The following ZFP90 variants were observed in gnomAD, a reference collection of about 807,000 sequenced individuals.
The protein encoded by ZFP90 is ZFP90 zinc finger protein.
A neutral mutation model predicts 60.8 loss-of-function variants in ZFP90; 38 were observed. The observed-to-expected ratio is 0.62, with a 90% CI of 0.48 to 0.82. The LOEUF is 0.82. Among genes scored for constraint, ZFP90 ranks in the 40% least tolerant of loss-of-function variants. ZFP90 has a pLI of 0.00. For synonymous variants in ZFP90, 287 were observed against 264.8 expected, an observed-to-expected ratio of 1.08 and a Z score of -0.82; for missense variants, 711 against 759.1, an observed-to-expected ratio of 0.94 and a Z score of 0.74.
chr16:68,563,797 C>G lies in ZFP90; in HGVS notation c.1010C>G (p.Pro337Arg). ...QHQRIHTGEK[P>R]YRCNLCGRSF... The stretch of plus-strand genomic sequence containing the variant: ...CAGCGAATTCACACTGGAGAGAAAC[C>G]CTATCGATGTAATCTATGTGGGAGG... Residue 337 changes from proline to arginine, a missense_variant, in exon 5 of 5, where the codon CCC becomes CGC. This residue lies in a region of ZFP90 where 146 missense variants were observed against 201.4 expected (regional missense o/e 0.73). Coordinates refer to ENST00000563169, the MANE Select transcript of ZFP90 (RefSeq NM_001305203.2). 2 of 1,614,096 alleles carry G rather than the reference C, an allele frequency of 1.2e-6. No individual in the cohort carries two copies. Among genetic ancestry groups the G allele is most frequent in the Non-Finnish European group, 1.7e-6 (2 of 1,180,012 alleles).
chr16:68,534,132 T>G (rs974246974), intron 2 of ZFP90, among the ~76,000 whole-genome samples: 2 of 152,168 alleles, frequency 1.3e-5, no homozygotes, highest in Non-Finnish European at 2.9e-5. Flanking sequence ...GTGGATAATT[T>G]CCTCAGATCG....
At chr16:68,568,072 AT>A (rs1298974990), downstream of ZFP90, among the ~76,000 whole-genome samples, 3 of 152,198 alleles carry the variant, frequency 2.0e-5, no homozygotes, top group Non-Finnish European at 4.4e-5. Flanking sequence ...AAAAATTTTC[AT>A]GGATTACTGT....
At chr16:68,562,273 A>G (rs936343533) in intron 4 of ZFP90, 2 of 152,292 alleles carry the variant, frequency 1.3e-5, no homozygotes, top group East Asian at 1.9e-4. Context: ...GAACATTTCC[A>G]TCACTCCAAA....
In ZFP90 at chr16:68,564,072, A is replaced by G. The variant is rs772259070; in HGVS notation, c.1285A>G (p.Ile429Val). The change falls in exon 5 of 5, where the codon ATA (isoleucine) becomes GTA (valine). Residue 429 changes from isoleucine to valine, a missense_variant. Coordinates refer to ENST00000563169, the MANE Select transcript of ZFP90 (RefSeq NM_001305203.2). ...GKPYQSSNYS[I>V]DFKHSTSLTQ... The stretch of plus-strand genomic sequence containing the variant: ...ACCTTACCAAAGCAGTAACTACAGC[A>G]TAGATTTCAAGCACAGCACATCTCT... The G allele has an allele frequency of 4.3e-6, 7 of 1,614,052 alleles. No homozygotes were observed. The highest frequency in any genetic ancestry group is 4.0e-5 in the African/African-American group (3 of 74,928).
At chr16:68,558,146 GTCTT>G in intron 3 of ZFP90, 22 bp downstream of exon 3, 1 of 1,611,086 alleles carries the variant, frequency 6.2e-7, no homozygotes, top group Non-Finnish European at 8.5e-7. Flanking sequence ...TTCTCTGAGT[GTCTT>G]TCCTGCTGAT....
Position 68,564,841 on chromosome 16 carries a change from A to ATCT in ZFP90, c.*144_*145insCTT, listed in dbSNP as rs2091500339. The ATCT allele has an allele frequency of 9.2e-7, 1 of 1,083,062 alleles. No homozygotes were observed. The highest frequency in any genetic ancestry group is 1.2e-6 in the Non-Finnish European group (1 of 824,134). 67.1% of individuals were successfully genotyped at this position (1,083,062 alleles called of 1,614,324 possible). A position where few individuals can be genotyped will look rare whatever the true frequency, so the allele number is the denominator to read the frequency against. ...TGTGGAGAAAACTGCCAGTAGACAG[A>ATCT]TTTTTTTTTTTTAACATAAAGACAC... On this transcript the variant is annotated 3_prime_UTR_variant, in exon 5 of 5. Coordinates refer to ENST00000563169, the MANE Select transcript of ZFP90 (RefSeq NM_001305203.2).
In ZFP90 at chr16:68,539,739, C is replaced by T. The variant is rs1272671057; in HGVS notation, c.-35-19C>T. ...TCGGTGTTGCAGCGGGGTGAGTGGG[C>T]CCTGTCCTTTCTCCCCAGCTCCTGC... On this transcript the variant is annotated intron_variant, in intron 1 of 4. Coordinates refer to ENST00000563169, the MANE Select transcript of ZFP90 (RefSeq NM_001305203.2). The T allele has an allele frequency of 2.0e-6, 3 of 1,533,586 alleles. No individual in the cohort carries two copies. The highest frequency in any genetic ancestry group is 2.6e-6 in the Non-Finnish European group (3 of 1,138,880). 95.0% of individuals were successfully genotyped at this position (1,533,586 alleles called of 1,614,324 possible). A position where few individuals can be genotyped will look rare whatever the true frequency, so the allele number is the denominator to read the frequency against.
chr16:68,565,208 A>G lies in ZFP90; in HGVS notation c.*510A>G. On this transcript the variant is annotated 3_prime_UTR_variant, in exon 5 of 5. Coordinates refer to ENST00000563169, the MANE Select transcript of ZFP90 (RefSeq NM_001305203.2). Reference sequence around the variant, plus strand: ...CTTCATTGTACAGATGAAGACTGAAAGCCAAAGATGTGAAGTGGTTTCCAC... The same window carrying G: ...CTTCATTGTACAGATGAAGACTGAAGGCCAAAGATGTGAAGTGGTTTCCAC... 1.0e-6 allele frequency: 1 copy of G among 986,834 alleles called. No individual in the cohort carries two copies. The allele number at this position is 986,834 out of a possible 1,614,324, so 61.1% of individuals were successfully genotyped here.
In ZFP90 at chr16:68,564,704, G is replaced by T. The variant is rs377716008; in HGVS notation, c.*6G>T. On this transcript the variant is annotated 3_prime_UTR_variant, in exon 5 of 5. Coordinates refer to ENST00000563169, the MANE Select transcript of ZFP90 (RefSeq NM_001305203.2). Reference sequence around the variant, plus strand: ...ATACTCGAAATAAACTCTAGGAACCGTGAAATTAAGGAATTTGCAGAATGC... The same window carrying T: ...ATACTCGAAATAAACTCTAGGAACCTTGAAATTAAGGAATTTGCAGAATGC... The T allele has an allele frequency of 1.2e-4, 195 of 1,583,754 alleles. No homozygotes were observed. The highest frequency in any genetic ancestry group is 1.0e-3 in the Middle Eastern group (6 of 5,932).
intron 3 of ZFP90, 116 bp from the exon 4 acceptor site, chr16:68,558,357 A>G (rs1161606693): frequency 8.6e-7 from 1 of 1,165,534 alleles, no homozygotes; most frequent in Non-Finnish European, 1.3e-6. Flanking sequence ...CTTAAGTTGC[A>G]CCTTTTTTTT....
At chr16:68,537,793 C>T (rs1205866004), upstream of ZFP90, among the ~76,000 whole-genome samples, 1 of 152,082 alleles carries the variant, frequency 6.6e-6, no homozygotes, top group Non-Finnish European at 1.5e-5. Context: ...CTTTTAATTC[C>T]TGGGCTCCTC....
At chr16:68,540,883 A>T in intron 2 of ZFP90, among the ~76,000 whole-genome samples, 1 of 147,790 alleles carries the variant, frequency 6.8e-6, no homozygotes, top group Non-Finnish European at 1.5e-5. Context: ...AGCAGTTTAT[A>T]GTGAATTAAG....
intron 2 of ZFP90, among the ~76,000 whole-genome samples, chr16:68,555,731 C>T (rs1013275000): frequency 6.6e-6 from 1 of 152,114 alleles, no homozygotes; most frequent in East Asian, 1.9e-4. Flanking sequence ...GGTTGACTCT[C>T]CAGTGGGGGA....
rs1166204132 is a variant in ZFP90 at position 68,566,433 on chromosome 16, T to C, written c.*1735T>C. On this transcript the variant is annotated 3_prime_UTR_variant, in exon 5 of 5. Transcript: ENST00000563169. ...CCTACTGGATTCTTTGCATGCCACATAGCAGGATTCATTGCCTTTCTCTCA... is the reference window on the plus strand; with the variant it reads ...CCTACTGGATTCTTTGCATGCCACACAGCAGGATTCATTGCCTTTCTCTCA... The C allele has an allele frequency of 2.0e-6, 2 of 985,562 alleles. No individual in the cohort carries two copies. Among genetic ancestry groups the C allele is most frequent in the Non-Finnish European group, 2.4e-6 (2 of 829,918 alleles). 61.1% of individuals were successfully genotyped at this position (985,562 alleles called of 1,614,324 possible). A position where few individuals can be genotyped will look rare whatever the true frequency, so the allele number is the denominator to read the frequency against.
intron 2 of ZFP90, among the ~76,000 whole-genome samples, chr16:68,540,900 A>T (rs1298589291): frequency 6.8e-6 from 1 of 146,604 alleles, no homozygotes; most frequent in Non-Finnish European, 1.5e-5. Context: ...TAAGCATACA[A>T]TACATCATGC....
chr16:68,539,732 G>C (rs2091002743), intron 1 of ZFP90, 26 bp from the exon 2 acceptor site: 1 of 1,516,604 alleles, frequency 6.6e-7, no homozygotes, highest in Admixed American at 2.0e-5. Flanking sequence ...GCAGCGGGGT[G>C]AGTGGGCCCT....
In ZFP90 at chr16:68,565,387, G is replaced by A. The variant is rs1220150326; in HGVS notation, c.*689G>A. 3 of 985,462 alleles carry A rather than the reference G, an allele frequency of 3.0e-6. No individual in the cohort carries two copies. The highest frequency in any genetic ancestry group is 3.6e-6 in the Non-Finnish European group (3 of 829,940). 61.0% of individuals were successfully genotyped at this position (985,462 alleles called of 1,614,324 possible). ...TATCAGATACACAAACATTTAATGG[G>A]CACCTATGGGTTGGACACTTTGAGA... On this transcript the variant is annotated 3_prime_UTR_variant, in exon 5 of 5. Coordinates refer to ENST00000563169, the MANE Select transcript of ZFP90 (RefSeq NM_001305203.2).
chr16:68,572,783 T>A (rs2091574805), intron 2 of ZFP90, among the ~76,000 whole-genome samples: 1 of 152,240 alleles, frequency 6.6e-6, no homozygotes, highest in Non-Finnish European at 1.5e-5. Context: ...AACTTAATGT[T>A]TGTTCCTTAA....
intron 4 of ZFP90, among the ~76,000 whole-genome samples, chr16:68,560,014 G>A (rs1332124590): frequency 6.6e-6 from 1 of 152,186 alleles, no homozygotes; most frequent in African/African-American, 2.4e-5. Flanking sequence ...GATTACAGGT[G>A]TGAGCCACTG....
Sources: gnomAD v4.1 joint callset for allele counts (sites outside exome capture counted in the v4.1 genomes callset) on GRCh38, gnomAD v4.1.1 for gene constraint, gnomAD v4.1.1 regional missense constraint, MANE v1.5 for transcripts, NCBI Gene and HGNC (gene_info 2026-07-23, HGNC 2026-07-21) for gene names.